NUP35: variants seen among roughly 807,000 people sequenced by gnomAD.
The protein encoded by NUP35 is nucleoporin NUP35.
NUP35 carries 25 observed loss-of-function variants against 41.5 expected under a neutral mutation model. That is an observed-to-expected ratio of 0.60 (90% confidence interval 0.44 to 0.84). The LOEUF is 0.84. Among genes scored for constraint, NUP35 ranks in the 40% least tolerant of loss-of-function variants. The pLI is 0.00. For synonymous variants in NUP35, 149 were observed against 130.7 expected, an observed-to-expected ratio of 1.14 and a Z score of -0.96; for missense variants, 396 against 396.6, an observed-to-expected ratio of 1.00 and a Z score of 0.01.
intron 1 of NUP35, 129 bp from the exon 2 acceptor site, chr2:183,128,158 T>C: frequency 5.9e-6 from 3 of 511,540 alleles, no homozygotes; most frequent in Non-Finnish European, 9.7e-6. Context: ...AATTCAACTA[T>C]GGTTCTATTA....
intron 2 of NUP35, among the ~76,000 whole-genome samples, chr2:183,130,003 A>G (rs1348411789): frequency 6.6e-6 from 1 of 152,262 alleles, no homozygotes; most frequent in East Asian, 1.9e-4. Context: ...GTATTTATTC[A>G]GGAATCTACA....
At chr2:183,137,750 A>G (rs909752577) in intron 4 of NUP35, among the ~76,000 whole-genome samples, 1 of 151,702 alleles carries the variant, frequency 6.6e-6, no homozygotes, top group Non-Finnish European at 1.5e-5. Context: ...CTATGATTGC[A>G]CCACTGCACG....
intron 4 of NUP35, among the ~76,000 whole-genome samples, chr2:183,147,583 T>A (rs2675085): frequency 1.6e-4 from 25 of 152,152 alleles, no homozygotes; most frequent in Non-Finnish European, 3.4e-4. Context: ...TTTTGGTTAC[T>A]GTAGTCCCAT....
At position 183,159,650 on chromosome 2, in the gene NUP35, C is replaced by G. The variant is rs1283857218; in HGVS notation, c.901C>G (p.Gln301Glu). 38 of 1,609,962 alleles carry G rather than the reference C, an allele frequency of 2.4e-5. No homozygotes were observed. The highest frequency in any genetic ancestry group is 3.1e-5 in the Non-Finnish European group (37 of 1,177,762). The change falls in exon 8 of 9, where the codon CAG (glutamine) becomes GAG (glutamate). Residue 301 changes from glutamine (Q) to glutamate (E), a missense_variant and splice_region_variant. Physicochemically the swap from Gln to Glu is conservative, Grantham distance 29. Transcript: ENST00000295119. Reference sequence around the variant, plus strand: ...ATACAAAGCCTCTACTAGTGATTATCAGGTATTTTAAGGATTGGATAAAAA... The same window carrying G: ...ATACAAAGCCTCTACTAGTGATTATGAGGTATTTTAAGGATTGGATAAAAA... ...TAYKASTSDY[Q>E]VISDRQTPKK...
intron 4 of NUP35, among the ~76,000 whole-genome samples, chr2:183,142,489 G>GT: frequency 6.6e-6 from 1 of 150,708 alleles, no homozygotes; most frequent in Non-Finnish European, 1.5e-5. Flanking sequence ...GGGCACTTTT[G>GT]TTTTTGTTTT....
At chr2:183,131,725 AT>A in intron 3 of NUP35, among the ~76,000 whole-genome samples, 1 of 152,264 alleles carries the variant, frequency 6.6e-6, no homozygotes, top group East Asian at 1.9e-4. Flanking sequence ...AAGGTATCTT[AT>A]TTTTTTATGT....
upstream of NUP35, chr2:183,124,386 C>G: frequency 1.2e-6 from 2 of 1,613,474 alleles, no homozygotes; most frequent in Non-Finnish European, 1.7e-6. Flanking sequence ...CGCCGTTACC[C>G]GTGGGGAGCG....
intron 4 of NUP35, among the ~76,000 whole-genome samples, chr2:183,135,296 G>C (rs956305552): frequency 1.3e-5 from 2 of 152,184 alleles, no homozygotes; most frequent in African/African-American, 4.8e-5. Flanking sequence ...TTACTCAAAA[G>C]TCTGTAAGTG....
chr2:183,161,637 T>C lies in NUP35; in HGVS notation c.*506T>C, dbSNP rs1023151380. ...GGTGTATTCTAAAACGAGCATTCTT[T>C]TAAAAAACCTAAAGTTTCTTGATAA... On this transcript the variant is annotated 3_prime_UTR_variant, in exon 9 of 9. Coordinates refer to ENST00000295119, the MANE Select transcript of NUP35 (RefSeq NM_138285.5). 1.3e-5 allele frequency: 2 copies of C among 152,280 alleles called. No homozygotes were observed. Among genetic ancestry groups the C allele is most frequent in the Non-Finnish European group, 2.9e-5 (2 of 68,092 alleles). The allele number at this position is 152,280 out of a possible 1,614,324, so 9.4% of individuals were successfully genotyped here. A position where few individuals can be genotyped will look rare whatever the true frequency, so the allele number is the denominator to read the frequency against.
chr2:183,138,269 A>ATATATATATTTTTTTT, intron 4 of NUP35, among the ~76,000 whole-genome samples: 13 of 80,696 alleles, frequency 1.6e-4, no homozygotes, highest in South Asian at 4.8e-4. Context: ...ATATATATAT[A>ATATATATATTTTTTTT]TTTTTTTTTT....
chr2:183,130,042 A>G (rs1241299887), intron 2 of NUP35, among the ~76,000 whole-genome samples: 1 of 152,214 alleles, frequency 6.6e-6, no homozygotes, highest in African/African-American at 2.4e-5. Context: ...CCTACTTTCA[A>G]GTGAGAAATG....
chr2:183,157,398 T>C (rs1685703677), intron 5 of NUP35, 46 bp from the exon 6 acceptor site: 6 of 1,339,422 alleles, frequency 4.5e-6, no homozygotes, highest in Middle Eastern at 1.8e-4. Flanking sequence ...TGCATTCACA[T>C]TGATAGTAGA....
chr2:183,161,142 A>G lies in NUP35; in HGVS notation c.*11A>G, dbSNP rs751039361. 40 of 1,603,346 alleles carry G rather than the reference A, an allele frequency of 2.5e-5. No homozygotes were observed. The Middle Eastern group carries it at 5.2e-4, about 21-fold the overall frequency. Reference sequence around the variant, plus strand: ...ATGTTTGGCTGGTAGTAGAACACCAAGAAGGAGGTTGCTACACTAAAACAG... The same window carrying G: ...ATGTTTGGCTGGTAGTAGAACACCAGGAAGGAGGTTGCTACACTAAAACAG... On this transcript the variant is annotated 3_prime_UTR_variant, in exon 9 of 9. Coordinates refer to ENST00000295119, the MANE Select transcript of NUP35 (RefSeq NM_138285.5).
At chr2:183,124,792 C>T (rs1397374529) in intron 1 of NUP35, among the ~76,000 whole-genome samples, 2 of 152,204 alleles carry the variant, frequency 1.3e-5, no homozygotes, top group Admixed American at 1.3e-4. Flanking sequence ...CTGGCCCATA[C>T]CTTAACCTCC....
intron 4 of NUP35, among the ~76,000 whole-genome samples, chr2:183,143,041 A>T (rs1241384905): frequency 6.6e-6 from 1 of 151,418 alleles, no homozygotes; most frequent in East Asian, 2.0e-4. Flanking sequence ...CTGTAGTCCC[A>T]GCTACTCGGG....
chr2:183,151,081 A>G (rs1401896036), intron 4 of NUP35, among the ~76,000 whole-genome samples: 1 of 152,226 alleles, frequency 6.6e-6, no homozygotes, highest in Non-Finnish European at 1.5e-5. Flanking sequence ...CTGGAAAAGT[A>G]AGGTTGCAAC....
At chr2:183,153,867 G>T (rs1685555232) in intron 5 of NUP35, among the ~76,000 whole-genome samples, 1 of 152,226 alleles carries the variant, frequency 6.6e-6, no homozygotes, top group Non-Finnish European at 1.5e-5. Flanking sequence ...TGCCCTAGCG[G>T]AGGTTCTCCA....
intron 6 of NUP35, 50 bp downstream of exon 6, chr2:183,157,563 T>C: frequency 8.0e-7 from 1 of 1,254,538 alleles, no homozygotes; most frequent in South Asian, 1.3e-5. Flanking sequence ...GAGGGATAAG[T>C]TGTGAATTGA....
intron 3 of NUP35, among the ~76,000 whole-genome samples, chr2:183,133,038 C>G (rs1049543226): frequency 1.3e-5 from 2 of 152,058 alleles, no homozygotes; most frequent in African/African-American, 4.8e-5. Context: ...CTATTTTAAT[C>G]CTTAATTTTC....
Sources: allele counts gnomAD v4.1 joint callset (sites outside exome capture counted in the v4.1 genomes callset), GRCh38; gene constraint gnomAD v4.1.1; transcripts MANE v1.5; gene names NCBI Gene and HGNC (gene_info 2026-07-23, HGNC 2026-07-21).